Variants in FBP1 observed in about 807,000 individuals in gnomAD.
FBP1 encodes the protein fructose-bisphosphatase 1, also known as fructose-1,6-bisphosphatase 1.
FBP1 carries 22 observed loss-of-function variants against 29.9 expected under a neutral mutation model. The observed-to-expected ratio is 0.74, with a 90% confidence interval of 0.53 to 1.05. The LOEUF (loss-of-function observed/expected upper bound fraction) is 1.05. Ranked by LOEUF, FBP1 falls within the 50% of genes least tolerant of loss-of-function variation. FBP1 has a pLI of 0.00. For missense variants in FBP1, 345 were observed against 448.2 expected (o/e 0.77, Z 2.08); for synonymous variants, 175 against 178.6 (o/e 0.98, Z 0.16).
At chr9:94,619,087 A>G (rs1478675298) in intron 2 of FBP1, among the ~76,000 whole-genome samples, 1 of 152,190 alleles carries the variant, frequency 6.6e-6, no homozygotes, top group African/African-American at 2.4e-5. Flanking sequence ...GAAGCTGCCT[A>G]TCATGAAGGC....
intron 6 of FBP1, among the ~76,000 whole-genome samples, chr9:94,604,201 C>G (rs1344939933): frequency 6.6e-6 from 1 of 151,628 alleles, no homozygotes; most frequent in Non-Finnish European, 1.5e-5. Flanking sequence ...TTTCCTGAGT[C>G]TATTTCCACA....
chr9:94,612,163 C>A (rs1022804797), intron 3 of FBP1, among the ~76,000 whole-genome samples: 1 of 152,154 alleles, frequency 6.6e-6, no homozygotes, highest in East Asian at 1.9e-4. Context: ...AATTAATGGC[C>A]TTTGTCAACA....
At chr9:94,604,343 C>T (rs966673784) in intron 6 of FBP1, among the ~76,000 whole-genome samples, 5 of 152,086 alleles carry the variant, frequency 3.3e-5, no homozygotes, top group East Asian at 1.9e-4. Context: ...TTGATATGCC[C>T]GAGGCAGCTA....
chr9:94,630,815 T>C (rs989113755), intron 1 of FBP1, among the ~76,000 whole-genome samples: 2 of 134,046 alleles, frequency 1.5e-5, no homozygotes, highest in Non-Finnish European at 3.5e-5. Context: ...GCAAAGCCCC[T>C]GAGTGGCTGT....
chr9:94,627,018 G>A (rs1828035246), intron 1 of FBP1, among the ~76,000 whole-genome samples: 1 of 152,024 alleles, frequency 6.6e-6, no homozygotes, highest in South Asian at 2.1e-4. Flanking sequence ...GAGAAACCCT[G>A]TCTCTACTAA....
chr9:94,626,975 G>A (rs1053813436), intron 1 of FBP1, among the ~76,000 whole-genome samples: 2 of 152,028 alleles, frequency 1.3e-5, no homozygotes, highest in Non-Finnish European at 2.9e-5. Context: ...GATCACCTGA[G>A]GCTGGGAGTT....
chr9:94,639,413 A>G lies in FBP1; in HGVS notation c.-103T>C, dbSNP rs1371093187. On this transcript the variant is annotated 5_prime_UTR_variant, in exon 1 of 7. Transcript: ENST00000375326. ...CAGTAGGCACTGGCCGCAGGTGCGG[A>G]GCTGCAGGTGCGGGCGGCAGGTGCG... 2 of 1,347,990 alleles carry G rather than the reference A, an allele frequency of 1.5e-6. No individual in the cohort carries two copies. Among genetic ancestry groups the G allele is most frequent in the Non-Finnish European group, 2.1e-6 (2 of 967,096 alleles). The allele number at this position is 1,347,990 out of a possible 1,614,324, so 83.5% of individuals were successfully genotyped here.
chr9:94,603,157 AT>A lies in FBP1; in HGVS notation c.*223del, dbSNP rs1827635702. 3 of 576,860 alleles carry A rather than the reference AT, an allele frequency of 5.2e-6. No homozygotes were observed. Among genetic ancestry groups the A allele is most frequent in the African/African-American group, 3.7e-5 (2 of 53,380 alleles). The allele number at this position is 576,860 out of a possible 1,614,324, so 35.7% of individuals were successfully genotyped here. ...CTTTTTTTTAAGGAGGAATAAGTTT[AT>A]TTCTCCTCCATCCACTCAAAATATA... On this transcript the variant is annotated 3_prime_UTR_variant, in exon 7 of 7. Transcript: ENST00000375326.
At chr9:94,606,711 A>G in intron 5 of FBP1, 104 bp downstream of exon 5, 1 of 1,210,764 alleles carries the variant, frequency 8.3e-7, no homozygotes, top group South Asian at 1.3e-5. Context: ...AAGGCCCTCG[A>G]TCCCAAGGAT....
intron 1 of FBP1, among the ~76,000 whole-genome samples, chr9:94,622,195 T>A (rs1249912893): frequency 6.6e-6 from 1 of 152,208 alleles, no homozygotes; most frequent in Non-Finnish European, 1.5e-5. Flanking sequence ...GCAGCCTAGC[T>A]TCTTAGACTT....
At chr9:94,622,892 C>T (rs1411336687) in intron 1 of FBP1, among the ~76,000 whole-genome samples, 1 of 152,234 alleles carries the variant, frequency 6.6e-6, no homozygotes, top group Non-Finnish European at 1.5e-5. Context: ...AGCTCAAATG[C>T]AGCTCCCTCA....
intron 5 of FBP1, among the ~76,000 whole-genome samples, chr9:94,606,472 T>C (rs1391994175): frequency 6.6e-6 from 1 of 152,222 alleles, no homozygotes; most frequent in Non-Finnish European, 1.5e-5. Context: ...TTGTTTAACT[T>C]TATTATCCTA....
intron 1 of FBP1, among the ~76,000 whole-genome samples, chr9:94,633,447 A>G (rs1047737792): frequency 8.6e-5 from 13 of 152,046 alleles, no homozygotes; most frequent in Non-Finnish European, 1.6e-4. Flanking sequence ...TAAAGTGTTC[A>G]CCCTTGCCAT....
Position 94,634,045 on chromosome 9 carries a change from G to A in FBP1, c.170+5096C>T, listed in dbSNP as rs539171901. On this transcript the variant is annotated intron_variant, in intron 1 of 6. Coordinates refer to ENST00000375326, the MANE Select transcript of FBP1 (RefSeq NM_000507.4). Reference sequence around the variant, plus strand: ...GCAGTGGCTCACGCCTGTAATCCCAGGACTTTGGGAGGCCGGGGCGGGCAG... The same window carrying A: ...GCAGTGGCTCACGCCTGTAATCCCAAGACTTTGGGAGGCCGGGGCGGGCAG... Among the ~76,000 whole-genome samples the A allele has an allele frequency of 2.5e-4, 37 of 150,918 alleles. No individual in the cohort carries two copies. The South Asian group carries it at 5.2e-3, about 21-fold the overall frequency.
Position 94,639,470 on chromosome 9 carries a change from CCGA to C in FBP1, c.-163_-161del. 1 of 780,124 alleles carries C rather than the reference CCGA, an allele frequency of 1.3e-6. No individual in the cohort carries two copies. Among genetic ancestry groups the C allele is most frequent in the Non-Finnish European group, 2.1e-6 (1 of 468,804 alleles). 48.3% of individuals were successfully genotyped at this position (780,124 alleles called of 1,614,324 possible). ...GGGACCTGGCGGGAGGACTGACAGA[CCGA>C]CTGCCGCCCCGAGTGTCCGCAGCGC... On this transcript the variant is annotated 5_prime_UTR_variant, in exon 1 of 7. Coordinates refer to ENST00000375326, the MANE Select transcript of FBP1 (RefSeq NM_000507.4).
chr9:94,617,881 T>G, intron 2 of FBP1, 21 bp from the exon 3 acceptor site: 2 of 1,551,986 alleles, frequency 1.3e-6, no homozygotes, highest in Non-Finnish European at 1.8e-6. Context: ...AAAAAAGAAA[T>G]ACAACCTTAA....
intron 3 of FBP1, among the ~76,000 whole-genome samples, chr9:94,611,720 A>G (rs1354736394): frequency 1.3e-5 from 2 of 152,174 alleles, no homozygotes; most frequent in Non-Finnish European, 2.9e-5. Context: ...TCCACTGCAC[A>G]TGCCTGGGTG....
chr9:94,612,277 A>G (rs1385358294), intron 3 of FBP1, among the ~76,000 whole-genome samples: 2 of 152,122 alleles, frequency 1.3e-5, no homozygotes, highest in African/African-American at 2.4e-5. Context: ...CTCCCACTGC[A>G]GGCTTCAAGT....
At chr9:94,620,897 G>C (rs1827936992) in intron 1 of FBP1, among the ~76,000 whole-genome samples, 1 of 152,190 alleles carries the variant, frequency 6.6e-6, no homozygotes, top group Non-Finnish European at 1.5e-5. Flanking sequence ...GTGTATCCCA[G>C]AACTTAAAGT....
Sources: allele counts gnomAD v4.1 joint callset (sites outside exome capture counted in the v4.1 genomes callset), GRCh38; gene constraint gnomAD v4.1.1; transcripts MANE v1.5; gene names NCBI Gene and HGNC (gene_info 2026-07-23, HGNC 2026-07-21).